Variants in PCDHA3 observed in about 807,000 individuals in gnomAD.
The protein encoded by PCDHA3 is protocadherin alpha 3.
Under a neutral mutation model 62.2 loss-of-function variants are expected in PCDHA3, and 41 were observed. That is an observed-to-expected ratio of 0.66 (90% CI 0.51 to 0.86). The LOEUF is 0.86. Ranked by LOEUF, PCDHA3 falls within the 40% of genes least tolerant of loss-of-function variation. PCDHA3 has a pLI of 0.00. For synonymous variants in PCDHA3, 640 were observed against 555.4 expected, an observed-to-expected ratio of 1.15 and a Z score of -2.14; for missense variants, 1,304 against 1,241.2, an observed-to-expected ratio of 1.05 and a Z score of -0.76.
chr5:140,835,843 A>T, intron 1 of PCDHA3: 1 of 1,612,338 alleles, frequency 6.2e-7, no homozygotes, highest in Non-Finnish European at 8.5e-7. Context: ...GCGCAGAAGA[A>T]CGCGCTGGTG....
Position 140,822,954 on chromosome 5 carries a change from C to A in PCDHA3, c.2394+19363C>A, listed in dbSNP as rs1554128965. ...CCTGCTCCCTAATGCCCCACGTTCC[C>A]TTCAAGCTGGTGTCCACCTTCAAGA... On this transcript the variant is annotated intron_variant, in intron 1 of 3. Coordinates refer to ENST00000522353, the MANE Select transcript of PCDHA3 (RefSeq NM_018906.3). The A allele has an allele frequency of 2.5e-6, 4 of 1,614,140 alleles. No individual in the cohort carries two copies. In the East Asian group the frequency reaches 8.9e-5, roughly 36 times the overall value.
intron 1 of PCDHA3, chr5:140,841,631 A>G (rs1256595237): frequency 6.2e-7 from 1 of 1,614,124 alleles, no homozygotes; most frequent in Non-Finnish European, 8.5e-7. Context: ...GGAGTGCAGC[A>G]TCCACCTGGA....
chr5:140,848,314 G>T, intron 1 of PCDHA3: 1 of 733,978 alleles, frequency 1.4e-6, no homozygotes, highest in Non-Finnish European at 2.3e-6. Context: ...ACTCTTTGCC[G>T]CGATGTTCTC....
chr5:140,840,702 AT>A (rs1776827167), intron 1 of PCDHA3, among the ~76,000 whole-genome samples: 1 of 152,096 alleles, frequency 6.6e-6, no homozygotes, highest in South Asian at 2.1e-4. Flanking sequence ...GGTTCAGGCA[AT>A]TTGACATTTA....
At position 140,917,056 on chromosome 5, in the gene PCDHA3, T is replaced by C. The variant is rs539112715; in HGVS notation, c.2395-61893T>C. Among the ~76,000 whole-genome samples the C allele has an allele frequency of 5.9e-5, 9 of 152,280 alleles. No individual in the cohort carries two copies. The East Asian group carries it at 1.7e-3, about 29-fold the overall frequency. On this transcript the variant is annotated intron_variant, in intron 1 of 3. Transcript: ENST00000522353. ...AGTCCAGCACAGTGTTGTTCCCTGCTACGACAGCACCGAGTTTAATGTAAA... is the reference window on the plus strand; with the variant it reads ...AGTCCAGCACAGTGTTGTTCCCTGCCACGACAGCACCGAGTTTAATGTAAA...
chr5:140,927,157 G>A (rs868936673), intron 1 of PCDHA3: 2 of 1,614,144 alleles, frequency 1.2e-6, no homozygotes, highest in South Asian at 2.2e-5. Flanking sequence ...GCTGTGCAGG[G>A]CCAAAGCTGC....
chr5:140,999,854 C>T (rs1459226420), intron 3 of PCDHA3, among the ~76,000 whole-genome samples: 4 of 152,112 alleles, frequency 2.6e-5, no homozygotes, highest in Admixed American at 1.3e-4. Context: ...TTATCTCTTC[C>T]GCTCCAAGAT....
At chr5:140,955,190 A>G (rs1269758289) in intron 1 of PCDHA3, among the ~76,000 whole-genome samples, 2 of 152,050 alleles carry the variant, frequency 1.3e-5, no homozygotes, top group Admixed American at 6.6e-5. Flanking sequence ...TGTGGTGTAT[A>G]TGAAGTCAAT....
chr5:140,978,188 C>A (rs1480380395), intron 1 of PCDHA3, among the ~76,000 whole-genome samples: 2 of 152,176 alleles, frequency 1.3e-5, no homozygotes, highest in Non-Finnish European at 2.9e-5. Context: ...GGCAACAGAT[C>A]TTTTCAATAC....
intron 1 of PCDHA3, among the ~76,000 whole-genome samples, chr5:140,895,100 T>G (rs1306041919): frequency 2.0e-5 from 3 of 152,190 alleles, no homozygotes; most frequent in African/African-American, 7.2e-5. Context: ...TAGGGGTTTT[T>G]GCTACAAGAA....
At chr5:140,907,500 G>T (rs2073413620) in intron 1 of PCDHA3, among the ~76,000 whole-genome samples, 1 of 152,228 alleles carries the variant, frequency 6.6e-6, no homozygotes, top group Non-Finnish European at 1.5e-5. Flanking sequence ...TCCAGAGTAA[G>T]TGTCTATTCC....
At position 141,010,340 on chromosome 5, in the gene PCDHA3, C is replaced by T. The variant is rs1400539624; in HGVS notation, c.*403C>T. 2 of 1,533,798 alleles carry T rather than the reference C, an allele frequency of 1.3e-6. No homozygotes were observed. Among genetic ancestry groups the T allele is most frequent in the Non-Finnish European group, 1.8e-6 (2 of 1,140,544 alleles). On this transcript the variant is annotated 3_prime_UTR_variant, in exon 4 of 4. Coordinates refer to ENST00000522353, the MANE Select transcript of PCDHA3 (RefSeq NM_018906.3). ...TGAGCAGCTTGGGAGTTTGTGGCCA[C>T]TGGGTATGTGTGGCTACCGCGGGTA...
rs782118774 is a variant in PCDHA3 at position 140,929,021 on chromosome 5, G to A, written c.2395-49928G>A. ...TTCGTGTGTACCAAGTTGCACCAGAGCCCAGGCTGTTGCGCTCAGAGCTGC... is the reference window on the plus strand; with the variant it reads ...TTCGTGTGTACCAAGTTGCACCAGAACCCAGGCTGTTGCGCTCAGAGCTGC... On this transcript the variant is annotated intron_variant, in intron 1 of 3. Coordinates refer to ENST00000522353, the MANE Select transcript of PCDHA3 (RefSeq NM_018906.3). 5 of 1,614,072 alleles carry A rather than the reference G, an allele frequency of 3.1e-6. No homozygotes were observed. In the African/African-American group the frequency reaches 6.7e-5, roughly 22 times the overall value.
rs2150235080 is a variant in PCDHA3, at chr5:140,835,409, T to C, written c.2394+31818T>C. The C allele has an allele frequency of 2.5e-6, 4 of 1,613,874 alleles. No individual in the cohort carries two copies. In the East Asian group the frequency reaches 8.9e-5, roughly 36 times the overall value. On this transcript the variant is annotated intron_variant, in intron 1 of 3. Coordinates refer to ENST00000522353, the MANE Select transcript of PCDHA3 (RefSeq NM_018906.3). ...GTACAGTTCTTGTGGAAGTTGTGGA[T>C]GTAAATGACAATGCTCCACAGTTGA...
At position 140,843,595 on chromosome 5, in the gene PCDHA3, G is replaced by GTT. The variant is rs1423829570; in HGVS notation, c.2394+40005_2394+40006insTT. On this transcript the variant is annotated intron_variant, in intron 1 of 3. Coordinates refer to ENST00000522353, the MANE Select transcript of PCDHA3 (RefSeq NM_018906.3). ...ACTCGCAACAACAGCCGCAGAGGGT[G>GTT]TGCTCTGGTGAGGGGCCACCGAAGA... The GTT allele has an allele frequency of 1.2e-5, 19 of 1,595,984 alleles. 3 individuals carry two copies. The highest frequency in any genetic ancestry group is 1.5e-5 in the Non-Finnish European group (18 of 1,165,530).
At chr5:140,843,030 T>C in intron 1 of PCDHA3, 1 of 1,594,962 alleles carries the variant, frequency 6.3e-7, no homozygotes, top group African/African-American at 1.3e-5. Flanking sequence ...GAGCCTCGGG[T>C]GGGTGGCACT....
At chr5:140,868,930 G>A (rs966807738) in intron 1 of PCDHA3, 6 of 1,085,506 alleles carry the variant, frequency 5.5e-6, no homozygotes, top group East Asian at 5.1e-5. Context: ...TTCATTTAAA[G>A]GTTGGTCTGA....
At chr5:140,842,920 C>A (rs2150347865) in intron 1 of PCDHA3, 1 of 1,594,422 alleles carries the variant, frequency 6.3e-7, no homozygotes, top group Admixed American at 1.7e-5. Flanking sequence ...TGCTGCAGTT[C>A]CAGGTGAGCG....
chr5:140,901,168 C>G (rs782138220), intron 1 of PCDHA3, among the ~76,000 whole-genome samples: 8 of 152,010 alleles, frequency 5.3e-5, no homozygotes, highest in Non-Finnish European at 8.8e-5. Flanking sequence ...GTTGTCTCTT[C>G]ACTTTGTTGA....
Sources: gnomAD v4.1 joint callset for allele counts (sites outside exome capture counted in the v4.1 genomes callset) on GRCh38, gnomAD v4.1.1 for gene constraint, MANE v1.5 for transcripts, NCBI Gene and HGNC (gene_info 2026-07-23, HGNC 2026-07-21) for gene names.